The following ELAPOR1 variants were observed in gnomAD, a reference collection of about 807,000 sequenced individuals.
The protein encoded by ELAPOR1 is endosome/lysosome-associated apoptosis and autophagy regulator 1.
Under a neutral mutation model 119.7 loss-of-function variants are expected in ELAPOR1, and 77 were observed. The observed-to-expected ratio is 0.64, with a 90% CI of 0.54 to 0.78. The LOEUF is 0.78. Among genes scored for constraint, ELAPOR1 ranks in the 30% least tolerant of loss-of-function variants. The probability of loss-of-function intolerance (pLI) is 0.00; values close to 1 mark genes in which losing one functional copy is unlikely to be tolerated. For synonymous variants in ELAPOR1, 481 were observed against 487.2 expected (o/e 0.99, Z 0.17); for missense variants, 1,115 against 1,270.4 (o/e 0.88, Z 1.86).
At chr1:109,200,296 A>ATTAT in intron 20 of ELAPOR1, 59 bp downstream of exon 20, 1 of 1,567,658 alleles carries the variant, frequency 6.4e-7, no homozygotes, top group Non-Finnish European at 8.7e-7. Context: ...GATCAGGGAG[A>ATTAT]ATATCTGAAA....
intron 1 of ELAPOR1, among the ~76,000 whole-genome samples, chr1:109,133,664 C>T (rs1290454911): frequency 6.6e-6 from 1 of 151,962 alleles, no homozygotes; most frequent in African/African-American, 2.4e-5. Context: ...ATTTTTTAGG[C>T]CAGGGTAATT....
intron 1 of ELAPOR1, among the ~76,000 whole-genome samples, chr1:109,161,052 A>G (rs1651216594): frequency 6.6e-6 from 1 of 152,314 alleles, no homozygotes; most frequent in East Asian, 1.9e-4. Flanking sequence ...GCCTCGGCCA[A>G]ATATATTTTC....
chr1:109,114,482 G>A (rs1171780905), intron 1 of ELAPOR1, 146 bp downstream of exon 1: 4 of 956,564 alleles, frequency 4.2e-6, no homozygotes, highest in Non-Finnish European at 6.1e-6. Flanking sequence ...GGGAAGAGGA[G>A]CCAGTCTGGC....
chr1:109,189,073 C>T lies in ELAPOR1; in HGVS notation c.1227C>T (p.Thr409=). ...YGSYSNGSDC[T]RCPAGTEPAV... ...TTGTTTGTGGTTCCCCAGACTGTAC[C>T]CGCTGCCCTGCAGGGACTGAACCTG... Residue 409 remains threonine, a synonymous_variant, in exon 10 of 22, where the codon ACC becomes ACT. Coordinates refer to ENST00000369939, the MANE Select transcript of ELAPOR1 (RefSeq NM_020775.5). 1 of 1,613,736 alleles carries T rather than the reference C, an allele frequency of 6.2e-7. No individual in the cohort carries two copies. The highest frequency in any genetic ancestry group is 8.5e-7 in the Non-Finnish European group (1 of 1,179,926).
At chr1:109,184,656 G>C (rs575848862) in intron 7 of ELAPOR1, among the ~76,000 whole-genome samples, 40 of 152,242 alleles carry the variant, frequency 2.6e-4, no homozygotes, top group Non-Finnish European at 5.0e-4. Context: ...CCTGGAAGAT[G>C]GTGAACTCTC....
In ELAPOR1 at chr1:109,135,394, C is replaced by T. The variant is rs184910904; in HGVS notation, c.153+21058C>T. 4.0e-3 allele frequency among the ~76,000 whole-genome samples: 605 copies of T among 152,198 alleles called. 3 individuals carry two copies. Among genetic ancestry groups the T allele is most frequent in the African/African-American group, 0.013 (559 of 41,510 alleles). Reference sequence around the variant, plus strand: ...CAGTAGCTAGGATTACAGGCACGTGCCACCACACCTGGCTAATTTTTGTAT... The same window carrying T: ...CAGTAGCTAGGATTACAGGCACGTGTCACCACACCTGGCTAATTTTTGTAT... On this transcript the variant is annotated intron_variant, in intron 1 of 21. Transcript: ENST00000369939.
chr1:109,164,578 C>T lies in ELAPOR1; in HGVS notation c.354C>T (p.Leu118=), dbSNP rs147894230. ...CATGCGCTGAGGGCCGCTACTCCCT[C>T]GGCACAGGCATTCGGTTTGATGAGT... ...CKPCAEGRYS[L]GTGIRFDEWD... Residue 118 remains leucine, a synonymous_variant, in exon 3 of 22, where the codon CTC becomes CTT. Coordinates refer to ENST00000369939, the MANE Select transcript of ELAPOR1 (RefSeq NM_020775.5). 93 of 1,614,248 alleles carry T rather than the reference C, an allele frequency of 5.8e-5. No individual in the cohort carries two copies. In the Middle Eastern group the frequency reaches 8.3e-4, roughly 14 times the overall value.
At position 109,203,288 on chromosome 1, in the gene ELAPOR1, C is replaced by T; in HGVS notation, c.*276C>T. On this transcript the variant is annotated 3_prime_UTR_variant, in exon 22 of 22. Coordinates refer to ENST00000369939, the MANE Select transcript of ELAPOR1 (RefSeq NM_020775.5). ...GGCCCATCCGCCAGAGCCATAGCTT[C>T]GTCTGCTCATAATTCTTATAGCTTT... 2.2e-6 allele frequency: 1 copy of T among 445,338 alleles called. No homozygotes were observed. Among genetic ancestry groups the T allele is most frequent in the Non-Finnish European group, 4.0e-6 (1 of 248,892 alleles). The allele number at this position is 445,338 out of a possible 1,614,324, so 27.6% of individuals were successfully genotyped here.
At chr1:109,173,207 C>T (rs557732661) in intron 5 of ELAPOR1, among the ~76,000 whole-genome samples, 1 of 151,782 alleles carries the variant, frequency 6.6e-6, no homozygotes, top group South Asian at 2.1e-4. Context: ...TCAGGACCCT[C>T]AGGTCTCTTT....
intron 20 of ELAPOR1, 148 bp downstream of exon 20, chr1:109,200,385 C>T (rs1654096774): frequency 1.1e-5 from 10 of 935,036 alleles, no homozygotes; most frequent in Non-Finnish European, 1.4e-5. Flanking sequence ...GTTATCCTGA[C>T]TCCTGAACAG....
At chr1:109,152,413 C>A (rs1036658602) in intron 1 of ELAPOR1, among the ~76,000 whole-genome samples, 1 of 152,158 alleles carries the variant, frequency 6.6e-6, no homozygotes, top group Non-Finnish European at 1.5e-5. Context: ...CTTCTGCTTC[C>A]TTTCCTACTT....
chr1:109,195,338 A>G (rs1359060955), intron 15 of ELAPOR1, among the ~76,000 whole-genome samples: 1 of 151,678 alleles, frequency 6.6e-6, no homozygotes, highest in Non-Finnish European at 1.5e-5. Flanking sequence ...CTAAAAATAC[A>G]AAAAAATTAG....
intron 1 of ELAPOR1, among the ~76,000 whole-genome samples, chr1:109,116,182 C>T (rs191833987): frequency 3.3e-5 from 5 of 152,298 alleles, no homozygotes; most frequent in Non-Finnish European, 7.4e-5. Flanking sequence ...GTTTGAATAA[C>T]CAATATTTGC....
At chr1:109,170,524 G>A (rs1415271063) in intron 3 of ELAPOR1, among the ~76,000 whole-genome samples, 1 of 152,194 alleles carries the variant, frequency 6.6e-6, no homozygotes, top group African/African-American at 2.4e-5. Context: ...CTGAGAGAGA[G>A]AGGAGGAAGT....
chr1:109,198,101 C>A, intron 17 of ELAPOR1, 26 bp downstream of exon 17: 1 of 1,549,988 alleles, frequency 6.5e-7, no homozygotes, highest in Non-Finnish European at 8.9e-7. Context: ...TAGGCTAATG[C>A]AAGTGAAACC....
chr1:109,157,081 G>C (rs1435219156), intron 1 of ELAPOR1, among the ~76,000 whole-genome samples: 2 of 152,020 alleles, frequency 1.3e-5, no homozygotes, highest in Admixed American at 6.6e-5. Context: ...CTTCCCCTTG[G>C]GCCTTGTTTG....
chr1:109,146,548 A>G (rs1650189457), intron 1 of ELAPOR1, among the ~76,000 whole-genome samples: 1 of 152,106 alleles, frequency 6.6e-6, no homozygotes, highest in Non-Finnish European at 1.5e-5. Context: ...AATGGAATCT[A>G]CTTTTGTTTT....
chr1:109,197,352 C>T, intron 15 of ELAPOR1, 122 bp from the exon 16 acceptor site: 1 of 792,390 alleles, frequency 1.3e-6, no homozygotes. Context: ...GAATCATTCC[C>T]CTACAACATA....
chr1:109,132,481 T>C (rs1649209352), intron 1 of ELAPOR1, among the ~76,000 whole-genome samples: 1 of 152,142 alleles, frequency 6.6e-6, no homozygotes, highest in Non-Finnish European at 1.5e-5. Context: ...TGTAGTCTAA[T>C]GGGAGAGGTA....
Sources: allele counts gnomAD v4.1 joint callset (sites outside exome capture counted in the v4.1 genomes callset), GRCh38; gene constraint gnomAD v4.1.1; transcripts MANE v1.5; gene names NCBI Gene and HGNC (gene_info 2026-07-23, HGNC 2026-07-21).